RAP1GAP2: variants seen among roughly 807,000 people sequenced by gnomAD.
The protein encoded by RAP1GAP2 is RAP1 GTPase activating protein 2.
A neutral mutation model predicts 95.0 loss-of-function variants in RAP1GAP2; 27 were observed. That is an observed-to-expected ratio of 0.28 (90% CI 0.21 to 0.39). The LOEUF (loss-of-function observed/expected upper bound fraction) is 0.39, where lower values mean the gene tolerates loss of function less well. Among genes scored for constraint, RAP1GAP2 ranks in the 10% least tolerant of loss-of-function variants. RAP1GAP2 has a pLI of 1.00. For synonymous variants in RAP1GAP2, 373 were observed against 380.9 expected, an observed-to-expected ratio of 0.98 and a Z score of 0.24; for missense variants, 771 against 970.0, an observed-to-expected ratio of 0.79 and a Z score of 2.72.
At chr17:2,800,350 G>C (rs1427823064) in intron 1 of RAP1GAP2, 165 bp from the exon 2 acceptor site, 6 of 742,490 alleles carry the variant, frequency 8.1e-6, no homozygotes, top group Non-Finnish European at 9.9e-6. Flanking sequence ...CCAGCACTCA[G>C]AGGCGTCTCT....
intron 19 of RAP1GAP2, among the ~76,000 whole-genome samples, chr17:3,021,515 A>G (rs1382534390): frequency 6.9e-6 from 1 of 144,712 alleles, no homozygotes; most frequent in South Asian, 2.1e-4. Flanking sequence ...GCTCACTGCA[A>G]CCTCTGCCTC....
chr17:2,931,060 T>C (rs2043128693), intron 3 of RAP1GAP2, among the ~76,000 whole-genome samples: 1 of 140,294 alleles, frequency 7.1e-6, no homozygotes, highest in South Asian at 2.2e-4. Context: ...AGGCAGGGGC[T>C]GCAGTGAGCC....
At chr17:2,843,649 A>G (rs1342591064) in intron 2 of RAP1GAP2, among the ~76,000 whole-genome samples, 1 of 134,040 alleles carries the variant, frequency 7.5e-6, no homozygotes, top group Non-Finnish European at 1.6e-5. Context: ...GCCTCCCACT[A>G]CCTTGCAGGG....
At position 3,033,098 on chromosome 17, in the gene RAP1GAP2, T is replaced by A. The variant is rs1375154440; in HGVS notation, c.*31-294T>A. ...GAGGGGTACAACCGAACCCACTCTG[T>A]GTTCAACCTGATTTATGAAAAAGCA... On this transcript the variant is annotated intron_variant, in intron 24 of 24. Coordinates refer to ENST00000254695, the MANE Select transcript of RAP1GAP2 (RefSeq NM_015085.5). The surrounding 1 kb of genome is among the most constrained non-coding windows in gnomAD (Gnocchi z 4.9). The A allele has an allele frequency of 6.5e-6, 1 of 152,948 alleles. No individual in the cohort carries two copies. Among genetic ancestry groups the A allele is most frequent in the Non-Finnish European group, 1.5e-5 (1 of 68,632 alleles). 9.5% of individuals were successfully genotyped at this position (152,948 alleles called of 1,614,324 possible). A position where few individuals can be genotyped will look rare whatever the true frequency, so the allele number is the denominator to read the frequency against.
intron 4 of RAP1GAP2, among the ~76,000 whole-genome samples, 176 bp downstream of exon 4, chr17:2,957,970 G>A (rs529827133): frequency 6.6e-6 from 1 of 152,270 alleles, no homozygotes; most frequent in East Asian, 1.9e-4. Flanking sequence ...TGAGGGGTAC[G>A]GAGCACTTTG....
intron 3 of RAP1GAP2, among the ~76,000 whole-genome samples, chr17:2,935,132 A>T (rs537485063): frequency 6.6e-6 from 1 of 152,164 alleles, no homozygotes; most frequent in South Asian, 2.1e-4. Context: ...TAGATGTTTA[A>T]CTCTCAGCCT....
chr17:2,920,008 T>C (rs1231876538), intron 3 of RAP1GAP2, among the ~76,000 whole-genome samples: 1 of 127,274 alleles, frequency 7.9e-6, no homozygotes, highest in South Asian at 2.7e-4. Flanking sequence ...GCCTCCTTTT[T>C]TCTTTTTTTT....
At chr17:2,917,984 G>A (rs2042624770) in intron 3 of RAP1GAP2, among the ~76,000 whole-genome samples, 2 of 152,114 alleles carry the variant, frequency 1.3e-5, no homozygotes, top group African/African-American at 4.8e-5. Flanking sequence ...CGGAAGTGCT[G>A]GGATTACAGG....
intron 2 of RAP1GAP2, among the ~76,000 whole-genome samples, chr17:2,872,966 G>A (rs1407075133): frequency 6.6e-6 from 1 of 151,916 alleles, no homozygotes; most frequent in Non-Finnish European, 1.5e-5. Flanking sequence ...AGCTGGGTGC[G>A]GTGGTGGGTG....
chr17:2,834,044 C>A (rs1047352111), intron 2 of RAP1GAP2, among the ~76,000 whole-genome samples: 3 of 152,108 alleles, frequency 2.0e-5, no homozygotes, highest in Non-Finnish European at 2.9e-5. Flanking sequence ...CTCTGAAGTT[C>A]CTGCACCCGC....
chr17:2,869,751 CCTT>C (rs1404373918), intron 2 of RAP1GAP2, among the ~76,000 whole-genome samples: 1 of 152,358 alleles, frequency 6.6e-6, no homozygotes, highest in South Asian at 2.1e-4. Context: ...CGCTGGGCCA[CCTT>C]CTGCGAGCTC....
chr17:2,966,510 A>G (rs945273545), intron 8 of RAP1GAP2, among the ~76,000 whole-genome samples: 2 of 151,504 alleles, frequency 1.3e-5, no homozygotes, highest in Non-Finnish European at 2.9e-5. Context: ...GAGCAATCAC[A>G]TTTTTTTTTC....
intron 2 of RAP1GAP2, among the ~76,000 whole-genome samples, chr17:2,836,365 C>G (rs1307198660): frequency 6.6e-6 from 1 of 152,082 alleles, no homozygotes; most frequent in African/African-American, 2.4e-5. Context: ...GGTGCAGTGG[C>G]TCACACCTGT....
At chr17:2,958,846 G>C (rs2044211521) in intron 4 of RAP1GAP2, among the ~76,000 whole-genome samples, 1 of 152,040 alleles carries the variant, frequency 6.6e-6, no homozygotes, top group Admixed American at 6.6e-5. Context: ...CCCTGAGGGT[G>C]GGGAGGGAGG....
intron 3 of RAP1GAP2, among the ~76,000 whole-genome samples, chr17:2,907,552 A>C (rs1314194964): frequency 6.6e-6 from 1 of 152,090 alleles, no homozygotes; most frequent in East Asian, 1.9e-4. Flanking sequence ...GGGGGAACGT[A>C]AGGTTAGGAG....
At chr17:2,905,740 A>G (rs2042176701) in intron 3 of RAP1GAP2, among the ~76,000 whole-genome samples, 1 of 152,162 alleles carries the variant, frequency 6.6e-6, no homozygotes. Flanking sequence ...GGGCATTTGC[A>G]TGCTGGTCTG....
intron 10 of RAP1GAP2, among the ~76,000 whole-genome samples, chr17:2,984,297 A>G (rs2045475993): frequency 6.6e-6 from 1 of 152,146 alleles, no homozygotes; most frequent in Non-Finnish European, 1.5e-5. Flanking sequence ...GCAGTGAGCC[A>G]AGACCACGCC....
At chr17:2,928,283 C>G (rs548830884) in intron 3 of RAP1GAP2, among the ~76,000 whole-genome samples, 17 of 152,174 alleles carry the variant, frequency 1.1e-4, no homozygotes, top group African/African-American at 4.1e-4. Flanking sequence ...TCCATGCGGC[C>G]GGTGGGGAAA....
Position 2,797,888 on chromosome 17 carries a change from GTGCCCTCCAAGGCCC to G in RAP1GAP2, c.44+1318_44+1332del. On this transcript the variant is annotated intron_variant, in intron 1 of 24. Transcript: ENST00000254695. This position sits in a 1 kb window ranked among gnomAD's most constrained non-coding sequence, Gnocchi z 5.6. ...CAGGGCAGGGCCCAGCAATTAGATT[GTGCCCTCCAAGGCCC>G]GCCTTTCTCTGGGAGGTGTGGAGCA... 2.8e-6 allele frequency: 2 copies of G among 719,134 alleles called. No individual in the cohort carries two copies. Among genetic ancestry groups the G allele is most frequent in the South Asian group, 1.3e-4 (2 of 15,870 alleles). The allele number at this position is 719,134 out of a possible 1,614,324, so 44.5% of individuals were successfully genotyped here.
Sources: allele counts gnomAD v4.1 joint callset (sites outside exome capture counted in the v4.1 genomes callset), GRCh38; gene constraint gnomAD v4.1.1; non-coding constraint Gnocchi (gnomAD v3.1); transcripts MANE v1.5; gene names NCBI Gene and HGNC (gene_info 2026-07-23, HGNC 2026-07-21).